The following PTPRT variants were observed in gnomAD, a reference collection of about 807,000 sequenced individuals.
PTPRT encodes protein tyrosine phosphatase receptor type T.
A neutral mutation model predicts 176.8 loss-of-function variants in PTPRT; 56 were observed. The observed-to-expected ratio is 0.32, with a 90% CI of 0.26 to 0.40. PTPRT has a LOEUF of 0.40. Among genes scored for constraint, PTPRT ranks in the 10% least tolerant of loss-of-function variants. The probability of loss-of-function intolerance (pLI) is 1.00; values close to 1 mark genes in which losing one functional copy is unlikely to be tolerated. For missense variants in PTPRT, 1,540 were observed against 1,908.2 expected (o/e 0.81, Z 3.60); for synonymous variants, 783 against 739.0 (o/e 1.06, Z -0.96).
chr20:42,357,672 G>T (rs2058375961), intron 9 of PTPRT, among the ~76,000 whole-genome samples: 1 of 152,122 alleles, frequency 6.6e-6, no homozygotes, highest in Non-Finnish European at 1.5e-5. Flanking sequence ...ACTTTGGGAG[G>T]CTAAGGCAGG....
rs148677325 is a variant in PTPRT, at chr20:42,488,237, G to A, written c.1154-15675C>T. ...CAGGTGTCTCCTTCTAGATTTGTGT[G>A]AATTCCTTTGTGGTCTACATTCCTA... On this transcript the variant is annotated intron_variant, in intron 7 of 30. Transcript: ENST00000373187. Among the ~76,000 whole-genome samples the A allele has an allele frequency of 3.2e-3, 487 of 152,236 alleles. 1 individual carries two copies. Among genetic ancestry groups the A allele is most frequent in the Non-Finnish European group, 5.4e-3 (370 of 68,022 alleles).
intron 15 of PTPRT, among the ~76,000 whole-genome samples, chr20:42,234,909 C>A (rs1382691769): frequency 6.6e-6 from 1 of 152,216 alleles, no homozygotes; most frequent in Admixed American, 6.5e-5. Context: ...CCATCTTTAT[C>A]TATGAAGCCT....
At chr20:42,839,559 T>G (rs187422915) in intron 2 of PTPRT, among the ~76,000 whole-genome samples, 4 of 152,136 alleles carry the variant, frequency 2.6e-5, no homozygotes, top group Non-Finnish European at 4.4e-5. Context: ...TAGAAAGCAC[T>G]CACTGTGTGC....
At chr20:43,124,224 A>G (rs2013363909) in intron 1 of PTPRT, among the ~76,000 whole-genome samples, 1 of 151,928 alleles carries the variant, frequency 6.6e-6, no homozygotes, top group South Asian at 2.1e-4. Flanking sequence ...TATTGGGCTG[A>G]CTATCAATTG....
chr20:42,488,269 GA>G lies in PTPRT; in HGVS notation c.1154-15708del, dbSNP rs545062342. Among the ~76,000 whole-genome samples, 400 of 152,284 alleles carry G rather than the reference GA, an allele frequency of 2.6e-3. 2 individuals are homozygous for G. The highest frequency in any genetic ancestry group is 8.7e-3 in the African/African-American group (363 of 41,558). On this transcript the variant is annotated intron_variant, in intron 7 of 30. Transcript: ENST00000373187. ...TTTGTGGTCTACATTCCTAGGGGCA[GA>G]AATACTGACATATAGGCTGTGTGTA...
chr20:42,507,173 A>C (rs951410992), intron 7 of PTPRT, among the ~76,000 whole-genome samples: 2 of 152,298 alleles, frequency 1.3e-5, no homozygotes, highest in Non-Finnish European at 2.9e-5. Context: ...GGGATAATAT[A>C]CCTGAGAGGA....
intron 6 of PTPRT, among the ~76,000 whole-genome samples, chr20:42,712,743 C>A (rs911876059): frequency 2.0e-5 from 3 of 152,314 alleles, no homozygotes; most frequent in South Asian, 2.1e-4. Context: ...TTGGCCATAT[C>A]TATCAAAGTT....
chr20:42,048,813 TTTTTGTTTTG>T, the PTPRT span, among the ~76,000 whole-genome samples: 1 of 152,262 alleles, frequency 6.6e-6, no homozygotes, highest in African/African-American at 2.4e-5. Context: ...TACTAAGTTT[TTTTTGTTTTG>T]TTTTGTTTTG....
intron 9 of PTPRT, among the ~76,000 whole-genome samples, chr20:42,440,888 A>C (rs1260245404): frequency 6.6e-6 from 1 of 152,144 alleles, no homozygotes; most frequent in Non-Finnish European, 1.5e-5. Context: ...TACTCAGGAG[A>C]GCTCAGTCTT....
chr20:43,011,590 A>T (rs1985127625), intron 1 of PTPRT, among the ~76,000 whole-genome samples: 2 of 152,342 alleles, frequency 1.3e-5, no homozygotes, highest in African/African-American at 4.8e-5. Flanking sequence ...TGAGCATAAA[A>T]TGAGAGGAAG....
At chr20:42,895,717 G>T (rs910670594) in intron 1 of PTPRT, among the ~76,000 whole-genome samples, 1 of 152,134 alleles carries the variant, frequency 6.6e-6, no homozygotes, top group African/African-American at 2.4e-5. Context: ...CATTTCATAT[G>T]ATTTTCACAT....
At chr20:42,503,929 C>A (rs2071800039) in intron 7 of PTPRT, among the ~76,000 whole-genome samples, 1 of 152,118 alleles carries the variant, frequency 6.6e-6, no homozygotes, top group Non-Finnish European at 1.5e-5. Context: ...TCACTTCATT[C>A]AGGTCACCTT....
intron 1 of PTPRT, among the ~76,000 whole-genome samples, chr20:43,023,952 C>G (rs1228509655): frequency 2.6e-5 from 4 of 152,126 alleles, no homozygotes. Flanking sequence ...GCCTAATGCC[C>G]CTGAATTGCC....
At chr20:42,053,126 G>A in the PTPRT span, among the ~76,000 whole-genome samples, 1 of 152,130 alleles carries the variant, frequency 6.6e-6, no homozygotes, top group Non-Finnish European at 1.5e-5. Flanking sequence ...ATTAGAGCTT[G>A]GGACCTGAGA....
chr20:42,263,977 G>A (rs1332072452), intron 13 of PTPRT, among the ~76,000 whole-genome samples: 1 of 152,134 alleles, frequency 6.6e-6, no homozygotes, highest in Non-Finnish European at 1.5e-5. Context: ...TGAGCAAGAA[G>A]GAGACAGAGA....
intron 12 of PTPRT, among the ~76,000 whole-genome samples, chr20:42,294,498 AATC>A (rs1019488825): frequency 6.6e-6 from 1 of 152,134 alleles, no homozygotes; most frequent in African/African-American, 2.4e-5. Context: ...ATACACACAA[AATC>A]ATCGACTGAA....
At chr20:43,132,677 T>A (rs542441032) in intron 1 of PTPRT, among the ~76,000 whole-genome samples, 1 of 152,104 alleles carries the variant, frequency 6.6e-6, no homozygotes, top group Non-Finnish European at 1.5e-5. Flanking sequence ...GAGTAAAACA[T>A]AATGCTGTAA....
chr20:42,672,931 C>G (rs542842901), intron 7 of PTPRT, among the ~76,000 whole-genome samples: 1 of 152,336 alleles, frequency 6.6e-6, no homozygotes, highest in Admixed American at 6.5e-5. Context: ...CCTTACTAAG[C>G]CAACCTCTGC....
chr20:42,909,219 G>A (rs1160702467), intron 1 of PTPRT, among the ~76,000 whole-genome samples: 2 of 152,066 alleles, frequency 1.3e-5, no homozygotes. Flanking sequence ...ATGTGTGTAT[G>A]TATCCTATCA....
Sources: gnomAD v4.1 joint callset for allele counts (sites outside exome capture counted in the v4.1 genomes callset) on GRCh38, gnomAD v4.1.1 for gene constraint, MANE v1.5 for transcripts, NCBI Gene and HGNC (gene_info 2026-07-23, HGNC 2026-07-21) for gene names.